FNIP2: variants seen among roughly 807,000 people sequenced by gnomAD.
The protein encoded by FNIP2 is folliculin-interacting protein 2.
FNIP2 carries 32 observed loss-of-function variants against 108.7 expected under a neutral mutation model. The observed-to-expected ratio is 0.29, with a 90% CI of 0.22 to 0.40. FNIP2 has a LOEUF of 0.40. Ranked by LOEUF, FNIP2 falls within the 10% of genes least tolerant of loss-of-function variation. FNIP2 has a pLI of 1.00. For synonymous variants in FNIP2, 480 were observed against 496.7 expected (o/e 0.97, Z 0.45); for missense variants, 1,202 against 1,381.6 (o/e 0.87, Z 2.06).
At chr4:158,860,536 G>T (rs1780222157) in intron 10 of FNIP2, among the ~76,000 whole-genome samples, 1 of 152,122 alleles carries the variant, frequency 6.6e-6, no homozygotes, top group African/African-American at 2.4e-5. Context: ...CTCTTTGATG[G>T]CAGTCTGATG....
At chr4:158,809,837 A>G (rs1007792258) in intron 1 of FNIP2, among the ~76,000 whole-genome samples, 1 of 152,238 alleles carries the variant, frequency 6.6e-6, no homozygotes, top group Admixed American at 6.5e-5. Flanking sequence ...TAGAATCACC[A>G]GGATGATTCT....
At chr4:158,792,992 A>T (rs1392147238) in intron 1 of FNIP2, among the ~76,000 whole-genome samples, 1 of 152,240 alleles carries the variant, frequency 6.6e-6, no homozygotes, top group Non-Finnish European at 1.5e-5. Flanking sequence ...GTATGAAGTC[A>T]GAGGGCAGGC....
intron 7 of FNIP2, among the ~76,000 whole-genome samples, chr4:158,840,576 A>G (rs572248764): frequency 3.3e-5 from 5 of 152,212 alleles, no homozygotes; most frequent in African/African-American, 1.2e-4. Context: ...TTGTATTTTC[A>G]GTAGAAACGG....
Position 158,880,332 on chromosome 4 carries a change from C to G in FNIP2, c.2949+9863C>G, listed in dbSNP as rs147873598. 4.6e-3 allele frequency among the ~76,000 whole-genome samples: 701 copies of G among 152,224 alleles called. 17 individuals are homozygous for G. The East Asian group carries it at 0.083, about 18-fold the overall frequency. ...GCTGGAAACCATCATTCTCAGCAAA[C>G]TATCGCAAGGACAGAAAACCAAACA... On this transcript the variant is annotated intron_variant, in intron 14 of 16. Transcript: ENST00000264433.
intron 1 of FNIP2, among the ~76,000 whole-genome samples, chr4:158,777,202 A>G (rs985415725): frequency 1.1e-4 from 16 of 152,216 alleles, no homozygotes; most frequent in African/African-American, 3.1e-4. Context: ...ACTCTTCTCT[A>G]TATACTTTTC....
chr4:158,773,853 T>C (rs1214522016), intron 1 of FNIP2, among the ~76,000 whole-genome samples: 1 of 152,198 alleles, frequency 6.6e-6, no homozygotes, highest in East Asian at 1.9e-4. Context: ...GAAAGATTCT[T>C]AGAAATATGG....
At chr4:158,793,071 G>A (rs978178689) in intron 1 of FNIP2, among the ~76,000 whole-genome samples, 2 of 152,096 alleles carry the variant, frequency 1.3e-5, no homozygotes, top group Non-Finnish European at 2.9e-5. Context: ...AATGGGGGAA[G>A]GTAGAAATGA....
intron 11 of FNIP2, 43 bp from the exon 12 acceptor site, chr4:158,861,564 C>T: frequency 6.2e-7 from 1 of 1,613,732 alleles, no homozygotes. Flanking sequence ...GTGCCTCTTT[C>T]TGTATTGACT....
At chr4:158,798,117 C>A (rs570692987) in intron 1 of FNIP2, among the ~76,000 whole-genome samples, 1 of 151,974 alleles carries the variant, frequency 6.6e-6, no homozygotes, top group African/African-American at 2.4e-5. Flanking sequence ...CAAGCCAAAG[C>A]GCAGTGGTGT....
At chr4:158,895,927 T>C (rs1338940602) in intron 16 of FNIP2, 62 bp downstream of exon 16, 2 of 1,244,134 alleles carry the variant, frequency 1.6e-6, no homozygotes, top group Non-Finnish European at 2.3e-6. Context: ...TTGTACCCAC[T>C]AACGTGTTTA....
chr4:158,870,308 T>C lies in FNIP2; in HGVS notation c.2793-5T>C. 6.2e-7 allele frequency: 1 copy of C among 1,611,998 alleles called. No homozygotes were observed. The highest frequency in any genetic ancestry group is 8.5e-7 in the Non-Finnish European group (1 of 1,178,196). ...TGCATTTTAATGGGCCACATGTTGT[T>C]TTAGGTCTCAGAGCATCAGCACCCA... On this transcript the variant is annotated splice_polypyrimidine_tract_variant and splice_region_variant and intron_variant, in intron 13 of 16. Coordinates refer to ENST00000264433, the MANE Select transcript of FNIP2 (RefSeq NM_020840.3).
intron 1 of FNIP2, among the ~76,000 whole-genome samples, chr4:158,776,934 A>G (rs4331733): frequency 0.36 from 54,953 of 152,006 alleles, 10,386 homozygotes; most frequent in Middle Eastern, 0.47. Flanking sequence ...TGTTACAGAC[A>G]ACTCAAAGAA....
chr4:158,887,421 G>A (rs989429489), intron 14 of FNIP2, among the ~76,000 whole-genome samples: 1 of 152,122 alleles, frequency 6.6e-6, no homozygotes, highest in Non-Finnish European at 1.5e-5. Flanking sequence ...TTTGTTTATT[G>A]TGGTTCTATA....
At chr4:158,813,878 A>AT (rs1274501293) in intron 1 of FNIP2, among the ~76,000 whole-genome samples, 7 of 152,126 alleles carry the variant, frequency 4.6e-5, no homozygotes, top group Admixed American at 3.3e-4. Context: ...CTGTGTCGAG[A>AT]TTCTTTTTTT....
chr4:158,822,174 C>CTTTT (rs70962634), intron 1 of FNIP2, among the ~76,000 whole-genome samples: 27 of 118,170 alleles, frequency 2.3e-4, no homozygotes, highest in Middle Eastern at 4.8e-3. Flanking sequence ...GAGTTTTCCT[C>CTTTT]TTTTTTTTTT....
At chr4:158,803,865 GATCAGACTGT>G (rs1239988365) in intron 1 of FNIP2, among the ~76,000 whole-genome samples, 1 of 152,202 alleles carries the variant, frequency 6.6e-6, no homozygotes, top group African/African-American at 2.4e-5. Flanking sequence ...GCACCCTCCT[GATCAGACTGT>G]ATGCATCTGA....
At chr4:158,806,224 G>A (rs951840105) in intron 1 of FNIP2, 16 of 1,287,964 alleles carry the variant, frequency 1.2e-5, no homozygotes, top group Non-Finnish European at 1.5e-5. Flanking sequence ...GGATAAACCA[G>A]AAGAACATTA....
chr4:158,770,474 G>A (rs1364064794), intron 1 of FNIP2, among the ~76,000 whole-genome samples: 1 of 152,112 alleles, frequency 6.6e-6, no homozygotes, highest in Non-Finnish European at 1.5e-5. Context: ...TCTGGATTAA[G>A]TTTTATGTTC....
chr4:158,801,881 C>T (rs1440437416), intron 1 of FNIP2, among the ~76,000 whole-genome samples: 1 of 152,132 alleles, frequency 6.6e-6, no homozygotes, highest in African/African-American at 2.4e-5. Context: ...TAGGAACTAT[C>T]CATGGTCATG....
Sources: allele counts gnomAD v4.1 joint callset (sites outside exome capture counted in the v4.1 genomes callset), GRCh38; gene constraint gnomAD v4.1.1; transcripts MANE v1.5; gene names NCBI Gene and HGNC (gene_info 2026-07-23, HGNC 2026-07-21).